The following L3MBTL3 variants were observed in gnomAD, a reference collection of about 807,000 sequenced individuals.
L3MBTL3 encodes the protein L3MBTL histone methyl-lysine binding protein 3.
In L3MBTL3, 27 loss-of-function variants were observed where a neutral mutation model predicts 102.3. That is an observed-to-expected ratio of 0.26 (90% confidence interval 0.19 to 0.36). The LOEUF (loss-of-function observed/expected upper bound fraction) is 0.36, where lower values mean the gene tolerates loss of function less well. Among genes scored for constraint, L3MBTL3 ranks in the 10% least tolerant of loss-of-function variants. L3MBTL3 has a pLI of 1.00. For missense variants in L3MBTL3, 798 were observed against 955.3 expected (o/e 0.84, Z 2.17); for synonymous variants, 340 against 320.9 (o/e 1.06, Z -0.64).
intron 20 of L3MBTL3, among the ~76,000 whole-genome samples, chr6:130,127,374 G>A (rs1390632235): frequency 2.0e-5 from 3 of 152,178 alleles, no homozygotes; most frequent in South Asian, 4.1e-4. Context: ...GCTTACTTCT[G>A]AGGTCTTTCA....
In L3MBTL3 at chr6:130,060,106, A is replaced by G. The variant is rs1399580800; in HGVS notation, c.830A>G (p.His277Arg). The G allele has an allele frequency of 3.7e-6, 6 of 1,612,982 alleles. No homozygotes were observed. The highest frequency in any genetic ancestry group is 5.1e-6 in the Non-Finnish European group (6 of 1,178,984). ...AAATTAGAAGGCGTGGATCCTGAGC[A>G]TCAGTCTGTGTACTGTGTCCTCACC... ...GMKLEGVDPE[H>R]QSVYCVLTVA... Residue 277 changes from histidine to arginine, a missense_variant, in exon 10 of 23, where the codon CAT becomes CGT. Coordinates refer to ENST00000361794, the MANE Select transcript of L3MBTL3 (RefSeq NM_032438.4).
intron 15 of L3MBTL3, 34 bp downstream of exon 15, chr6:130,083,739 G>A (rs1442294051): frequency 1.9e-6 from 2 of 1,065,384 alleles, no homozygotes; most frequent in African/African-American, 3.3e-5. Context: ...TTGCGTGGAT[G>A]AGATCATTTA....
intron 14 of L3MBTL3, among the ~76,000 whole-genome samples, chr6:130,081,079 T>C (rs1783310399): frequency 6.6e-6 from 1 of 152,266 alleles, no homozygotes; most frequent in African/African-American, 2.4e-5. Context: ...GTTTCCGTTC[T>C]TTCTAAACAC....
chr6:130,064,050 AGTATGTGAATAATGAAGACTGGCG>A (rs1459223705), intron 10 of L3MBTL3, among the ~76,000 whole-genome samples: 1 of 152,200 alleles, frequency 6.6e-6, no homozygotes, highest in African/African-American at 2.4e-5. Context: ...CGTGGAATAC[AGTATGTGAATAATGAAGACTGGCG>A]GTATGTCATT....
chr6:130,071,082 G>T lies in L3MBTL3; in HGVS notation c.1199G>T (p.Arg400Leu). 1 of 1,613,054 alleles carries T rather than the reference G, an allele frequency of 6.2e-7. No homozygotes were observed. The highest frequency in any genetic ancestry group is 1.7e-4 in the Middle Eastern group (1 of 6,058). ...VATVTDMVDN[R>L]FLVHFDNWDE... The stretch of plus-strand genomic sequence containing the variant: ...ACGGTAACAGATATGGTGGACAATC[G>T]TTTCCTGGTACATTTTGACAACTGG... Residue 400 changes from arginine to leucine, a missense_variant, in exon 13 of 23, where the codon CGT becomes CTT. Around this residue, in one of 4 missense-constraint regions of L3MBTL3, gnomAD observed 434 missense variants for 506.6 expected, o/e 0.86. Coordinates refer to ENST00000361794, the MANE Select transcript of L3MBTL3 (RefSeq NM_032438.4).
At chr6:130,117,341 A>G (rs551839177) in intron 19 of L3MBTL3, among the ~76,000 whole-genome samples, 1 of 151,088 alleles carries the variant, frequency 6.6e-6, no homozygotes, top group African/African-American at 2.4e-5. Context: ...CATGGTGTAT[A>G]TGTGCCACAT....
chr6:130,029,917 G>A (rs1779602091), intron 2 of L3MBTL3, among the ~76,000 whole-genome samples: 1 of 152,044 alleles, frequency 6.6e-6, no homozygotes, highest in Non-Finnish European at 1.5e-5. Context: ...TCTGCCTCCT[G>A]GGTTCAAGCG....
intron 8 of L3MBTL3, among the ~76,000 whole-genome samples, chr6:130,055,498 C>CCCTCTCTCCCTCCCTCTCTCCCTT (rs1562270721): frequency 7.0e-6 from 1 of 143,194 alleles, no homozygotes; most frequent in Admixed American, 7.0e-5. Flanking sequence ...CTCTCTCCCT[C>CCCTCTCTCCCTCCCTCTCTCCCTT]CCTCTCTCCC....
chr6:130,053,496 G>A (rs923714871), intron 7 of L3MBTL3, among the ~76,000 whole-genome samples: 6 of 152,122 alleles, frequency 3.9e-5, no homozygotes, highest in South Asian at 2.1e-4. Flanking sequence ...TTAGGTAGGC[G>A]TGGTGGCAGG....
At chr6:130,068,906 C>T (rs13211294) in intron 12 of L3MBTL3, among the ~76,000 whole-genome samples, 2 of 152,240 alleles carry the variant, frequency 1.3e-5, no homozygotes, top group African/African-American at 4.8e-5. Flanking sequence ...ACCGGTATTC[C>T]TGCTTTCCAT....
intron 3 of L3MBTL3, among the ~76,000 whole-genome samples, chr6:130,047,119 G>T (rs1477822429): frequency 6.6e-6 from 1 of 151,760 alleles, no homozygotes; most frequent in Non-Finnish European, 1.5e-5. Flanking sequence ...TTTTTTTCAG[G>T]CTTATAGTAT....
chr6:130,021,077 C>G (rs915128035), intron 1 of L3MBTL3, among the ~76,000 whole-genome samples: 7 of 151,858 alleles, frequency 4.6e-5, no homozygotes, highest in African/African-American at 1.5e-4. Context: ...TTAGGGAGTC[C>G]GAGAGGCTCT....
At chr6:130,110,015 T>G (rs906609871) in intron 19 of L3MBTL3, among the ~76,000 whole-genome samples, 1 of 152,166 alleles carries the variant, frequency 6.6e-6, no homozygotes, top group Non-Finnish European at 1.5e-5. Context: ...TGTACATGTG[T>G]GGTGTTATTT....
chr6:130,071,374 C>T (rs1584372059), intron 13 of L3MBTL3, among the ~76,000 whole-genome samples: 1 of 152,152 alleles, frequency 6.6e-6, no homozygotes, highest in Non-Finnish European at 1.5e-5. Context: ...GCACACTCCA[C>T]ATTCCCAACA....
intron 16 of L3MBTL3, among the ~76,000 whole-genome samples, chr6:130,086,944 A>C (rs1199811881): frequency 1.3e-5 from 2 of 152,238 alleles, no homozygotes; most frequent in Non-Finnish European, 1.5e-5. Context: ...TTAAATGTAC[A>C]TGATGTTTTA....
At chr6:130,070,946 A>C in intron 12 of L3MBTL3, 30 bp from the exon 13 acceptor site, 1 of 1,602,598 alleles carries the variant, frequency 6.2e-7, no homozygotes. Context: ...GTGTGTGCTT[A>C]TCTCTAATTA....
chr6:130,066,098 T>G (rs1420946711), intron 10 of L3MBTL3, among the ~76,000 whole-genome samples: 2 of 152,106 alleles, frequency 1.3e-5, no homozygotes. Context: ...TATTATGCTT[T>G]GCCCCCTATC....
chr6:130,019,920 C>G (rs1459324460), intron 1 of L3MBTL3, among the ~76,000 whole-genome samples: 1 of 140,786 alleles, frequency 7.1e-6, no homozygotes, highest in Non-Finnish European at 1.6e-5. Context: ...GTTCGCCCCG[C>G]GCCGTGCCGC....
At chr6:130,098,925 G>A (rs1000050296) in intron 18 of L3MBTL3, among the ~76,000 whole-genome samples, 1 of 147,798 alleles carries the variant, frequency 6.8e-6, no homozygotes, top group African/African-American at 2.5e-5. Context: ...ATGATTGTGC[G>A]AGAACTTAGA....
Sources: allele counts gnomAD v4.1 joint callset (sites outside exome capture counted in the v4.1 genomes callset), GRCh38; gene constraint gnomAD v4.1.1; regional missense constraint gnomAD v4.1.1; transcripts MANE v1.5; gene names NCBI Gene and HGNC (gene_info 2026-07-23, HGNC 2026-07-21).